MTA3: variants seen among roughly 807,000 people sequenced by gnomAD.
The protein encoded by MTA3 is metastasis associated 1 family member 3, also known as metastasis-associated protein MTA3.
MTA3 carries 34 observed loss-of-function variants against 83.5 expected under a neutral mutation model. That is an observed-to-expected ratio of 0.41 (90% CI 0.31 to 0.54). MTA3 has a LOEUF of 0.54. Among genes scored for constraint, MTA3 ranks in the 20% least tolerant of loss-of-function variants. The probability of loss-of-function intolerance (pLI) is 0.33; values close to 1 mark genes in which losing one functional copy is unlikely to be tolerated. For synonymous variants in MTA3, 303 were observed against 252.7 expected (o/e 1.20, Z -1.89); for missense variants, 761 against 726.4 (o/e 1.05, Z -0.55).
chr2:42,506,118 C>G (rs890174279), intron 2 of MTA3, among the ~76,000 whole-genome samples: 126 of 152,022 alleles, frequency 8.3e-4, no homozygotes, highest in African/African-American at 2.8e-3. Context: ...TTATTAATCT[C>G]TCCACTTTTA....
At chr2:42,526,984 G>A (rs983920229) in intron 2 of MTA3, among the ~76,000 whole-genome samples, 1 of 146,418 alleles carries the variant, frequency 6.8e-6, no homozygotes, top group African/African-American at 2.5e-5. Flanking sequence ...AACCCAGGAG[G>A]GAGAGGTTGC....
rs1470130870 is a variant in MTA3 at position 42,604,989 on chromosome 2, A to G, written c.191-4469A>G. Among the ~76,000 whole-genome samples, 11 of 150,218 alleles carry G rather than the reference A, an allele frequency of 7.3e-5. No individual in the cohort carries two copies. In the East Asian group the frequency reaches 2.2e-3, roughly 30 times the overall value. The stretch of plus-strand genomic sequence containing the variant: ...AAGTCTCCCATGTCTACTTCTTTCC[A>G]CACAGACACGGCAACCATCCGATTT... On this transcript the variant is annotated intron_variant, in intron 3 of 16. Coordinates refer to ENST00000405094, the MANE Select transcript of MTA3 (RefSeq NM_001330442.2).
chr2:42,637,214 C>G (rs919481326), intron 4 of MTA3, among the ~76,000 whole-genome samples: 14 of 152,210 alleles, frequency 9.2e-5, no homozygotes, highest in Non-Finnish European at 1.9e-4. Context: ...TATAGCAATT[C>G]TGTACTCCTT....
upstream of MTA3, among the ~76,000 whole-genome samples, chr2:42,565,346 TAA>T (rs1558438842): frequency 6.7e-6 from 1 of 148,190 alleles, no homozygotes. Context: ...ACCAACTGGC[TAA>T]CTTTTTTTTT....
In MTA3 at chr2:42,590,476, C is replaced by A. The variant is rs538033484; in HGVS notation, c.190+11276C>A. 1.2e-4 allele frequency among the ~76,000 whole-genome samples: 18 copies of A among 152,238 alleles called. 1 individual carries two copies. The highest frequency in any genetic ancestry group is 4.3e-4 in the African/African-American group (18 of 41,540). ...CTGATTCCTTCATCAGATGCAGATG[C>A]CCAGTCATAAACTTTACAGCCATTA... is the stretch of plus-strand genomic sequence containing the variant. On this transcript the variant is annotated intron_variant, in intron 3 of 16. Transcript: ENST00000405094.
chr2:42,707,638 TCAGCAGCACAATGCATA>T (rs1558604584), intron 12 of MTA3, among the ~76,000 whole-genome samples: 1 of 152,164 alleles, frequency 6.6e-6, no homozygotes, highest in Admixed American at 6.5e-5. Context: ...AAAAACTCCC[TCAGCAGCACAATGCATA>T]ATACAGGATG....
At chr2:42,638,963 A>G (rs1478057598) in intron 4 of MTA3, among the ~76,000 whole-genome samples, 4 of 151,134 alleles carry the variant, frequency 2.6e-5, no homozygotes, top group Non-Finnish European at 5.9e-5. Flanking sequence ...ATGTGTTAGC[A>G]CTTTTAGTAT....
chr2:42,588,943 G>A (rs1680656994), intron 3 of MTA3, among the ~76,000 whole-genome samples: 1 of 152,108 alleles, frequency 6.6e-6, no homozygotes, highest in African/African-American at 2.4e-5. Flanking sequence ...TGTCTGTTAG[G>A]TGGACATTTC....
chr2:42,632,504 A>G (rs1686782485), intron 4 of MTA3, among the ~76,000 whole-genome samples: 1 of 152,184 alleles, frequency 6.6e-6, no homozygotes, highest in African/African-American at 2.4e-5. Context: ...CATCTTGTCC[A>G]GGAGAGGAGG....
At chr2:42,605,224 C>G (rs1395269464) in intron 3 of MTA3, among the ~76,000 whole-genome samples, 6 of 135,082 alleles carry the variant, frequency 4.4e-5, no homozygotes, top group African/African-American at 1.6e-4. Flanking sequence ...CTGACCCCCC[C>G]CACCTCCCTC....
Position 42,551,047 on chromosome 2 carries a change from C to CTAAATAAA in MTA3, c.-140-19356_-140-19349dup, listed in dbSNP as rs61107846. 6.4e-3 allele frequency among the ~76,000 whole-genome samples: 915 copies of CTAAATAAA among 142,672 alleles called. 4 individuals are homozygous for CTAAATAAA. Among genetic ancestry groups the CTAAATAAA allele is most frequent in the African/African-American group, 0.01 (370 of 36,622 alleles). 93.6% of individuals were successfully genotyped at this position (142,672 alleles called of 152,430 possible). A position where few individuals can be genotyped will look rare whatever the true frequency, so the allele number is the denominator to read the frequency against. The stretch of plus-strand genomic sequence containing the variant: ...CCTGGGTGACAGAACCAGACTCTGA[C>CTAAATAAA]TAAATAAATAAATAAATAAATAAAT... On this transcript the variant is annotated intron_variant, in intron 2 of 17. Coordinates refer to the MTA3 transcript ENST00000405592.
At chr2:42,703,267 C>G (rs1002960299) in intron 11 of MTA3, 5 of 152,142 alleles carry the variant, frequency 3.3e-5, no homozygotes, top group African/African-American at 7.2e-5. Context: ...CTCCAAATAC[C>G]TTTACTGGTT....
chr2:42,700,132 A>T (rs1472549416), intron 11 of MTA3, among the ~76,000 whole-genome samples: 3 of 152,014 alleles, frequency 2.0e-5, no homozygotes, highest in East Asian at 3.9e-4. Context: ...CATGGTGAGC[A>T]CTGCTGCATA....
Position 42,609,495 on chromosome 2 carries a change from T to C in MTA3, c.228T>C (p.Ala76=), listed in dbSNP as rs1312124532. The change falls in exon 4 of 17, where the codon GCT becomes GCC. Residue 76 remains alanine, a synonymous_variant. Coordinates refer to ENST00000405094, the MANE Select transcript of MTA3 (RefSeq NM_001330442.2). The part of the protein sequence containing the change: ...IEEESETTVE[A]DLTDKQKHQL... The stretch of plus-strand genomic sequence containing the variant: ...AAGAATCTGAAACAACAGTTGAGGC[T>C]GACTTGACCGATAAGCAGAAACATC... 1.9e-6 allele frequency: 3 copies of C among 1,613,818 alleles called. No homozygotes were observed. The highest frequency in any genetic ancestry group is 1.3e-5 in the African/African-American group (1 of 74,946).
intron 2 of MTA3, among the ~76,000 whole-genome samples, chr2:42,519,395 C>G (rs1675308107): frequency 6.6e-6 from 1 of 152,032 alleles, no homozygotes; most frequent in Non-Finnish European, 1.5e-5. Flanking sequence ...CACCTGAGGT[C>G]AGGAGTTCAA....
chr2:42,628,556 C>G (rs1686356538), intron 4 of MTA3, among the ~76,000 whole-genome samples: 1 of 152,124 alleles, frequency 6.6e-6, no homozygotes, highest in Non-Finnish European at 1.5e-5. Context: ...AAAGGCATCT[C>G]AGAAAAGAGG....
chr2:42,565,690 G>A (rs1414795996), upstream of MTA3, among the ~76,000 whole-genome samples: 2 of 152,148 alleles, frequency 1.3e-5, no homozygotes, highest in East Asian at 1.9e-4. Context: ...CGCCCAACAA[G>A]TGCCAAACAC....
At chr2:42,710,956 G>T (rs1315258250) in intron 14 of MTA3, among the ~76,000 whole-genome samples, 9 of 152,048 alleles carry the variant, frequency 5.9e-5, no homozygotes, top group Non-Finnish European at 1.3e-4. Flanking sequence ...GCACACGCCT[G>T]TAATCCCAGC....
intron 2 of MTA3, among the ~76,000 whole-genome samples, chr2:42,545,654 T>C (rs1488550956): frequency 6.6e-6 from 1 of 152,170 alleles, no homozygotes; most frequent in South Asian, 2.1e-4. Flanking sequence ...AAGCTTCTAG[T>C]TTAGTGCCTG....
Sources: allele counts gnomAD v4.1 joint callset (sites outside exome capture counted in the v4.1 genomes callset), GRCh38; gene constraint gnomAD v4.1.1; transcripts MANE v1.5; gene names NCBI Gene and HGNC (gene_info 2026-07-23, HGNC 2026-07-21).